PLPP1: variants seen among roughly 807,000 people sequenced by gnomAD.
The protein encoded by PLPP1 is phospholipid phosphatase 1, also known as lipid phosphate phosphohydrolase 1a.
A neutral mutation model predicts 31.2 loss-of-function variants in PLPP1; 24 were observed. That is an observed-to-expected ratio of 0.77 (90% CI 0.56 to 1.08). The LOEUF (loss-of-function observed/expected upper bound fraction) is 1.08. Ranked by LOEUF, PLPP1 falls within the 50% of genes least tolerant of loss-of-function variation. The pLI is 0.00. For missense variants in PLPP1, 319 were observed against 342.7 expected (o/e 0.93, Z 0.55); for synonymous variants, 146 against 126.3 (o/e 1.16, Z -1.05).
intron 3 of PLPP1, among the ~76,000 whole-genome samples, chr5:55,452,003 T>C (rs1052227287): frequency 3.9e-5 from 6 of 152,186 alleles, no homozygotes; most frequent in East Asian, 1.9e-4. Context: ...TTTACAAGTA[T>C]AGGAAAAAAA....
chr5:55,430,709 C>T (rs911398989), intron 4 of PLPP1, among the ~76,000 whole-genome samples: 1 of 152,120 alleles, frequency 6.6e-6, no homozygotes, highest in Non-Finnish European at 1.5e-5. Context: ...TCCAAAGGAA[C>T]ACAGTAATTT....
intron 4 of PLPP1, among the ~76,000 whole-genome samples, chr5:55,440,814 C>T (rs1561224200): frequency 6.6e-6 from 1 of 152,110 alleles, no homozygotes; most frequent in African/African-American, 2.4e-5. Flanking sequence ...CTTAATGTTA[C>T]ATATTGTGCA....
At chr5:55,501,124 C>T (rs1753134456) in intron 1 of PLPP1, among the ~76,000 whole-genome samples, 1 of 152,130 alleles carries the variant, frequency 6.6e-6, no homozygotes, top group Non-Finnish European at 1.5e-5. Flanking sequence ...ACCAGCCTGG[C>T]CAACATGGCA....
At chr5:55,459,099 A>C (rs913992359) in intron 3 of PLPP1, among the ~76,000 whole-genome samples, 2 of 151,906 alleles carry the variant, frequency 1.3e-5, no homozygotes, top group African/African-American at 4.8e-5. Flanking sequence ...TTATAGAAAA[A>C]TATATAACCC....
At chr5:55,437,805 T>C (rs1400364853) in intron 4 of PLPP1, among the ~76,000 whole-genome samples, 1 of 152,220 alleles carries the variant, frequency 6.6e-6, no homozygotes, top group Non-Finnish European at 1.5e-5. Context: ...ACAAGGTTCG[T>C]AGGCTATGGG....
intron 1 of PLPP1, chr5:55,530,508 C>T: frequency 8.4e-7 from 1 of 1,194,954 alleles, no homozygotes; most frequent in Non-Finnish European, 1.3e-6. Context: ...ATTGCTGTTC[C>T]CTACTGAATC....
In PLPP1 at chr5:55,523,244, T is replaced by C. The variant is rs574363243; in HGVS notation, c.58+11328A>G. On this transcript the variant is annotated intron_variant, in intron 1 of 5. Transcript: ENST00000307259. ...CTTTGTGTTACGAACAATCCAATTA[T>C]ACTGTTTTCGTTATTTTTAAATGTA... Among the ~76,000 whole-genome samples, 9 of 152,278 alleles carry C rather than the reference T, an allele frequency of 5.9e-5. No individual in the cohort carries two copies. The South Asian group carries it at 1.7e-3, about 28-fold the overall frequency.
intron 2 of PLPP1, among the ~76,000 whole-genome samples, chr5:55,473,994 G>GTTTTTT (rs59649742): frequency 6.9e-6 from 1 of 144,992 alleles, no homozygotes; most frequent in Non-Finnish European, 1.5e-5. Flanking sequence ...TTGTTTGTTT[G>GTTTTTT]TTGTTTTTTT....
intron 1 of PLPP1, among the ~76,000 whole-genome samples, chr5:55,479,596 G>A (rs1207705186): frequency 6.6e-6 from 1 of 151,602 alleles, no homozygotes. Context: ...GAACAAAGCA[G>A]GTCTACAGAG....
intron 1 of PLPP1, among the ~76,000 whole-genome samples, chr5:55,508,544 C>G (rs148135018): frequency 7.2e-4 from 110 of 152,246 alleles, no homozygotes; most frequent in African/African-American, 2.6e-3. Flanking sequence ...GTATTATTAT[C>G]CCCATTTTAA....
intron 1 of PLPP1, among the ~76,000 whole-genome samples, chr5:55,488,364 G>A (rs1579958838): frequency 6.6e-6 from 1 of 152,028 alleles, no homozygotes; most frequent in East Asian, 1.9e-4. Context: ...TGTCAAACTA[G>A]ATTGGGTGTG....
chr5:55,461,057 G>A (rs567499312), intron 3 of PLPP1, among the ~76,000 whole-genome samples: 7 of 152,086 alleles, frequency 4.6e-5, no homozygotes, highest in South Asian at 4.2e-4. Flanking sequence ...TTAGCTAGGC[G>A]TGGTGGCGCA....
chr5:55,485,627 A>G (rs1752760339), intron 1 of PLPP1, among the ~76,000 whole-genome samples: 1 of 150,138 alleles, frequency 6.7e-6, no homozygotes, highest in African/African-American at 2.5e-5. Flanking sequence ...ATGGGTTTTT[A>G]AAAAATAAAA....
At chr5:55,486,581 A>G (rs912686551) in intron 1 of PLPP1, among the ~76,000 whole-genome samples, 1 of 151,964 alleles carries the variant, frequency 6.6e-6, no homozygotes, top group African/African-American at 2.4e-5. Flanking sequence ...GCCAGACTCC[A>G]TCTCAAAAAA....
At chr5:55,504,524 CAAAAAAAAAAAAA>C (rs70995703) in intron 1 of PLPP1, among the ~76,000 whole-genome samples, 1 of 54,286 alleles carries the variant, frequency 1.8e-5, no homozygotes, top group Non-Finnish European at 3.2e-5. Flanking sequence ...GACTCCATCT[CAAAAAAAAAAAAA>C]AAAAAAAAAA....
At chr5:55,517,857 T>C (rs1753584430) in intron 1 of PLPP1, among the ~76,000 whole-genome samples, 2 of 152,194 alleles carry the variant, frequency 1.3e-5, no homozygotes, top group Admixed American at 6.5e-5. Flanking sequence ...TTTTTCTTTT[T>C]TGTTGTTGAG....
intron 1 of PLPP1, among the ~76,000 whole-genome samples, chr5:55,506,474 A>G (rs1179693263): frequency 6.6e-6 from 1 of 152,114 alleles, no homozygotes; most frequent in African/African-American, 2.4e-5. Flanking sequence ...TTAGGAAAGG[A>G]GCCTAACTTC....
intron 4 of PLPP1, among the ~76,000 whole-genome samples, chr5:55,427,331 A>G (rs1042621116): frequency 1.3e-5 from 2 of 152,214 alleles, no homozygotes; most frequent in African/African-American, 4.8e-5. Flanking sequence ...GCAAAGACCC[A>G]GGGCTTATCT....
chr5:55,512,815 T>C (rs1377926379), intron 1 of PLPP1, among the ~76,000 whole-genome samples: 1 of 152,294 alleles, frequency 6.6e-6, no homozygotes, highest in South Asian at 2.1e-4. Flanking sequence ...GGAAAATCTA[T>C]AACAGATGTA....
Sources: allele counts gnomAD v4.1 joint callset (sites outside exome capture counted in the v4.1 genomes callset), GRCh38; gene constraint gnomAD v4.1.1; transcripts MANE v1.5; gene names NCBI Gene and HGNC (gene_info 2026-07-23, HGNC 2026-07-21).